HECW1: variants seen among roughly 807,000 people sequenced by gnomAD.
The protein encoded by HECW1 is E3 ubiquitin-protein ligase HECW1.
A neutral mutation model predicts 182.3 loss-of-function variants in HECW1; 61 were observed. The observed-to-expected ratio is 0.33, with a 90% confidence interval of 0.27 to 0.41. The LOEUF (loss-of-function observed/expected upper bound fraction) is 0.41. Among genes scored for constraint, HECW1 ranks in the 10% least tolerant of loss-of-function variants. The pLI, the probability that HECW1 is intolerant of heterozygous loss-of-function variation, is 1.00. For missense variants in HECW1, 1,739 were observed against 2,108.9 expected, an observed-to-expected ratio of 0.82 and a Z score of 3.44; for synonymous variants, 859 against 832.6, an observed-to-expected ratio of 1.03 and a Z score of -0.55.
intron 5 of HECW1, 117 bp downstream of exon 5, chr7:43,320,859 G>A (rs1178064969): frequency 5.3e-6 from 4 of 756,122 alleles, no homozygotes; most frequent in African/African-American, 1.7e-5. Flanking sequence ...CTAAAAGAGA[G>A]GTGTAGATTT....
intron 2 of HECW1, among the ~76,000 whole-genome samples, chr7:43,200,149 T>A (rs1304588859): frequency 6.6e-6 from 1 of 152,228 alleles, no homozygotes; most frequent in Non-Finnish European, 1.5e-5. Context: ...TCAAACGGAT[T>A]TGATTGGCCC....
At chr7:43,236,374 G>A (rs1798338926) in intron 2 of HECW1, among the ~76,000 whole-genome samples, 1 of 152,196 alleles carries the variant, frequency 6.6e-6, no homozygotes, top group Admixed American at 6.5e-5. Flanking sequence ...TGACACAGGT[G>A]TCAGTCAATT....
chr7:43,475,692 A>C (rs2078195599), intron 16 of HECW1, among the ~76,000 whole-genome samples: 1 of 152,112 alleles, frequency 6.6e-6, no homozygotes, highest in South Asian at 2.1e-4. Context: ...CTGGGACCAC[A>C]GATGCAAAAC....
intron 3 of HECW1, among the ~76,000 whole-genome samples, chr7:43,275,962 A>G (rs1803089332): frequency 6.6e-6 from 1 of 152,166 alleles, no homozygotes. Flanking sequence ...ATTGAGATCT[A>G]TTATAGTGTA....
intron 2 of HECW1, among the ~76,000 whole-genome samples, chr7:43,207,132 C>T (rs368855791): frequency 2.6e-5 from 4 of 152,150 alleles, no homozygotes; most frequent in African/African-American, 9.7e-5. Context: ...CTGCAACCTC[C>T]GTCTCCTGGG....
At chr7:43,293,574 C>T (rs2152757352) in intron 3 of HECW1, among the ~76,000 whole-genome samples, 1 of 152,306 alleles carries the variant, frequency 6.6e-6, no homozygotes, top group East Asian at 1.9e-4. Flanking sequence ...TGTCTCCAGA[C>T]CCTATTCTGC....
chr7:43,197,423 G>C (rs990240302), intron 2 of HECW1, among the ~76,000 whole-genome samples: 1 of 152,182 alleles, frequency 6.6e-6, no homozygotes, highest in Admixed American at 6.5e-5. Context: ...CTGTGGAGAG[G>C]CATTGATTAG....
At chr7:43,459,025 C>T (rs962716619) in intron 13 of HECW1, among the ~76,000 whole-genome samples, 11 of 152,146 alleles carry the variant, frequency 7.2e-5, no homozygotes, top group Non-Finnish European at 1.0e-4. Flanking sequence ...TCCCCAGACG[C>T]GGCACACTCT....
intron 2 of HECW1, chr7:43,147,683 C>G (rs530747321): frequency 6.6e-6 from 1 of 152,232 alleles, no homozygotes; most frequent in Admixed American, 6.5e-5. Context: ...GATTCATCTT[C>G]CATCTCCCAA....
chr7:43,242,381 G>A (rs972601565), intron 2 of HECW1, among the ~76,000 whole-genome samples: 7 of 152,166 alleles, frequency 4.6e-5, no homozygotes, highest in African/African-American at 1.2e-4. Context: ...AGGAGCAGAC[G>A]AACTCAGTGC....
intron 3 of HECW1, among the ~76,000 whole-genome samples, chr7:43,255,010 A>G (rs1800413515): frequency 6.6e-6 from 1 of 152,162 alleles, no homozygotes; most frequent in Non-Finnish European, 1.5e-5. Context: ...GCTACTTTAC[A>G]CTCAGTCCAG....
chr7:43,233,076 A>G (rs931892214), intron 2 of HECW1, among the ~76,000 whole-genome samples: 1 of 152,194 alleles, frequency 6.6e-6, no homozygotes, highest in African/African-American at 2.4e-5. Context: ...GACTGGATCC[A>G]AAATCTAACT....
At chr7:43,527,452 C>CAGA (rs2080802986) in intron 24 of HECW1, among the ~76,000 whole-genome samples, 1 of 152,164 alleles carries the variant, frequency 6.6e-6, no homozygotes, top group Non-Finnish European at 1.5e-5. Flanking sequence ...ACTCCAGTCT[C>CAGA]TGCCTCTGTC....
intron 2 of HECW1, among the ~76,000 whole-genome samples, chr7:43,201,947 C>T (rs1795051328): frequency 6.6e-6 from 1 of 152,126 alleles, no homozygotes; most frequent in Non-Finnish European, 1.5e-5. Flanking sequence ...GAATCAAAGT[C>T]CATTTTATCT....
At chr7:43,561,207 G>A (rs1318307021) in intron 29 of HECW1, among the ~76,000 whole-genome samples, 4 of 152,198 alleles carry the variant, frequency 2.6e-5, no homozygotes, top group East Asian at 1.9e-4. Context: ...CTAGAACCCC[G>A]GGCGCCAGGA....
At chr7:43,343,587 G>A (rs371786281) in intron 5 of HECW1, among the ~76,000 whole-genome samples, 3 of 151,850 alleles carry the variant, frequency 2.0e-5, no homozygotes, top group African/African-American at 7.3e-5. Flanking sequence ...CCCTGCAAAG[G>A]ACATGAACTC....
rs1044652689 is a variant in HECW1 at position 43,114,289 on chromosome 7, A to G, written c.-134A>G. The stretch of plus-strand genomic sequence containing the variant: ...GGCAGATGCCCTACCCGAAAAGGCC[A>G]ACCGTTAAAGACCCCGGCAGTGTTG... On this transcript the variant is annotated 5_prime_UTR_variant, in exon 2 of 30. Coordinates refer to ENST00000395891, the MANE Select transcript of HECW1 (RefSeq NM_015052.5). The G allele has an allele frequency of 2.1e-5, 28 of 1,364,112 alleles. No homozygotes were observed. Among genetic ancestry groups the G allele is most frequent in the Non-Finnish European group, 2.4e-5 (25 of 1,034,774 alleles). The allele number at this position is 1,364,112 out of a possible 1,614,324, so 84.5% of individuals were successfully genotyped here.
rs138682289 is a variant in HECW1, at chr7:43,228,553, A to G, written c.-31-15322A>G. On this transcript the variant is annotated intron_variant, in intron 2 of 29. Transcript: ENST00000395891. ...GAGTTTGGGGGAGAAGAACACTTGCATGGATCACCAGCTGGGTATAAATTA... is the reference window on the plus strand; with the variant it reads ...GAGTTTGGGGGAGAAGAACACTTGCGTGGATCACCAGCTGGGTATAAATTA... Among the ~76,000 whole-genome samples, 563 of 152,304 alleles carry G rather than the reference A, an allele frequency of 3.7e-3. 5 individuals carry two copies. The highest frequency in any genetic ancestry group is 0.013 in the African/African-American group (523 of 41,578).
intron 2 of HECW1, among the ~76,000 whole-genome samples, chr7:43,156,081 C>A (rs1456166673): frequency 1.3e-5 from 2 of 152,112 alleles, no homozygotes; most frequent in Non-Finnish European, 2.9e-5. Flanking sequence ...TAAATTCTAC[C>A]AATTCTAAAC....
Sources: allele counts gnomAD v4.1 joint callset (sites outside exome capture counted in the v4.1 genomes callset), GRCh38; gene constraint gnomAD v4.1.1; transcripts MANE v1.5; gene names NCBI Gene and HGNC (gene_info 2026-07-23, HGNC 2026-07-21).